The following AVEN variants were observed in gnomAD, a reference collection of about 807,000 sequenced individuals.
AVEN encodes the protein cell death regulator Aven.
A neutral mutation model predicts 38.1 loss-of-function variants in AVEN; 41 were observed. The ratio of observed to expected loss-of-function variants is 1.08; its 90% CI spans 0.84 to 1.40. AVEN has a LOEUF of 1.40. Ranked by LOEUF, AVEN falls within the 40% of genes most tolerant of loss-of-function variation. The pLI, the probability that AVEN is intolerant of heterozygous loss-of-function variation, is 0.00. For missense variants in AVEN, 605 were observed against 438.8 expected, an observed-to-expected ratio of 1.38 and a Z score of -3.38; for synonymous variants, 206 against 171.8, an observed-to-expected ratio of 1.20 and a Z score of -1.56.
chr15:33,871,134 G>C, intron 3 of AVEN, 104 bp from the exon 4 acceptor site: 3 of 694,332 alleles, frequency 4.3e-6, no homozygotes, highest in Non-Finnish European at 6.3e-6. Context: ...CATTTGGCTA[G>C]GAATAAGTCA....
chr15:33,880,991 C>T (rs1168117045), intron 2 of AVEN, among the ~76,000 whole-genome samples: 2 of 152,178 alleles, frequency 1.3e-5, no homozygotes, highest in Non-Finnish European at 2.9e-5. Context: ...AAAGTTACCA[C>T]ATTTTGTTTT....
At chr15:34,067,559 C>T (rs1900541890) in intron 2 of AVEN, 1 of 152,318 alleles carries the variant, frequency 6.6e-6, no homozygotes, top group South Asian at 2.1e-4. Context: ...ATGGCCTGGC[C>T]TTTCAAGAAA....
At position 34,014,828 on chromosome 15, in the gene AVEN, G is replaced by A. The variant is rs200357719; in HGVS notation, c.268-11619C>T. The stretch of plus-strand genomic sequence containing the variant: ...CCCCTTGACCTCTCAAAACTAACTG[G>A]CCAAAAGCTCTTTTGCCAGACAAAA... On this transcript the variant is annotated intron_variant, in intron 1 of 5. Coordinates refer to ENST00000306730, the MANE Select transcript of AVEN (RefSeq NM_020371.3). Among the ~76,000 whole-genome samples, 43 of 152,274 alleles carry A rather than the reference G, an allele frequency of 2.8e-4. 2 individuals are homozygous for A. In the East Asian group the frequency reaches 6.0e-3, roughly 21 times the overall value.
chr15:33,933,506 CACACACACACACACACACAGAGAGAGAGA>C (rs1893929846), intron 2 of AVEN, among the ~76,000 whole-genome samples: 1 of 118,392 alleles, frequency 8.4e-6, no homozygotes, highest in Non-Finnish European at 1.8e-5. Flanking sequence ...CACACACACA[CACACACACACACACACACAGAGAGAGAGA>C]GAGAGAGAGA....
rs562664135 is a variant in AVEN at position 34,070,453 on chromosome 15, T to C, written n.784+135A>G. ...AAATATCCATATAGTTTTATTTTAA[T>C]GTTTTTAGTTTAAGAAAATATCTAC... is the stretch of plus-strand genomic sequence containing the variant. On this transcript the variant is annotated intron_variant and non_coding_transcript_variant, in intron 2 of 11. Coordinates refer to the AVEN transcript ENST00000675287. 8.0e-4 allele frequency among the ~76,000 whole-genome samples: 122 copies of C among 152,254 alleles called. 2 individuals are homozygous for C. In the South Asian group the frequency reaches 0.015, roughly 19 times the overall value.
Position 34,038,760 on chromosome 15 carries a change from CA to C in AVEN, c.267+19del, listed in dbSNP as rs1899296121. The C allele has an allele frequency of 1.7e-6, 2 of 1,162,998 alleles. No homozygotes were observed. Among genetic ancestry groups the C allele is most frequent in the East Asian group, 7.9e-5 (2 of 25,314 alleles). 72.0% of individuals were successfully genotyped at this position (1,162,998 alleles called of 1,614,324 possible). A position where few individuals can be genotyped will look rare whatever the true frequency, so the allele number is the denominator to read the frequency against. The stretch of plus-strand genomic sequence containing the variant: ...CCCCAGTTACACGCGGTCCCAGCCC[CA>C]CCAGCCGTCGCCTCTTACCGGCGCG... On this transcript the variant is annotated intron_variant, in intron 1 of 5. Coordinates refer to ENST00000306730, the MANE Select transcript of AVEN (RefSeq NM_020371.3).
intron 2 of AVEN, among the ~76,000 whole-genome samples, chr15:33,966,759 T>G (rs1895402827): frequency 6.6e-6 from 1 of 152,152 alleles, no homozygotes; most frequent in South Asian, 2.1e-4. Context: ...TGCTATTGTA[T>G]TCTTGGAAAA....
At chr15:33,983,968 A>G (rs8035125) in intron 2 of AVEN, among the ~76,000 whole-genome samples, 44,233 of 151,496 alleles carry the variant, frequency 0.29, 8,161 homozygotes, top group African/African-American at 0.51. Flanking sequence ...ATTAAGGGAC[A>G]TTCTACAATA....
At position 34,031,004 on chromosome 15, in the gene AVEN, T is replaced by C. The variant is rs116058865; in HGVS notation, c.267+7776A>G. ...AGAAATCCAAAATAGATGACTATGT[T>C]CGTTTCACAGAATATACATCTATTA... On this transcript the variant is annotated intron_variant, in intron 1 of 5. Coordinates refer to ENST00000306730, the MANE Select transcript of AVEN (RefSeq NM_020371.3). 4.8e-3 allele frequency among the ~76,000 whole-genome samples: 734 copies of C among 152,268 alleles called. 10 individuals are homozygous for C. Among genetic ancestry groups the C allele is most frequent in the African/African-American group, 0.017 (702 of 41,546 alleles).
chr15:33,905,877 A>T (rs1161550857), intron 2 of AVEN, among the ~76,000 whole-genome samples: 1 of 151,840 alleles, frequency 6.6e-6, no homozygotes, highest in Non-Finnish European at 1.5e-5. Flanking sequence ...CACCCAATTC[A>T]ACCAAATGCA....
At chr15:34,072,603 A>G (rs1401220734) in intron 1 of AVEN, among the ~76,000 whole-genome samples, 2 of 37,184 alleles carry the variant, frequency 5.4e-5, no homozygotes, top group Admixed American at 6.2e-4. Context: ...GAGATTCTGT[A>G]TCAAAAAAAA....
intron 2 of AVEN, among the ~76,000 whole-genome samples, chr15:33,915,022 C>T (rs758162179): frequency 5.9e-5 from 9 of 151,938 alleles, no homozygotes; most frequent in Non-Finnish European, 1.2e-4. Flanking sequence ...AAAGAAAGTA[C>T]CCTCAAAAAA....
intron 1 of AVEN, chr15:34,007,044 T>C: frequency 2.0e-6 from 2 of 983,754 alleles, no homozygotes; most frequent in Non-Finnish European, 2.4e-6. Flanking sequence ...TAATAGTTCA[T>C]ACCTGGACAT....
rs142318041 is a variant in AVEN, at chr15:33,866,695, T to A, written c.1007A>T (p.Asn336Ile). The change falls in exon 6 of 6, where the codon AAC becomes ATC. Residue 336 changes from asparagine (N) to isoleucine (I), a missense_variant. Transcript: ENST00000306730. ...CAKPSVTEEK[N>I]MEPEQPSTSK... Reference sequence around the variant, plus strand: ...GGTACTTGGTTGCTCAGGTTCCATGTTTTTTTCTTCAGTCACAGATGGTTT... The same window carrying A: ...GGTACTTGGTTGCTCAGGTTCCATGATTTTTTCTTCAGTCACAGATGGTTT... The A allele has an allele frequency of 9.9e-5, 159 of 1,613,846 alleles. No homozygotes were observed. Among genetic ancestry groups the A allele is most frequent in the Non-Finnish European group, 1.2e-4 (145 of 1,179,878 alleles).
In AVEN at chr15:33,934,210, C is replaced by CAA. The variant is rs34165431; in HGVS notation, c.446-58217_446-58216dup. Reference sequence around the variant, plus strand: ...GCAACATAGCAAGACCCCATCTCTACAAAAAAAAAAAAAAATTAGCCATAT... The same window carrying CAA: ...GCAACATAGCAAGACCCCATCTCTACAAAAAAAAAAAAAAAAATTAGCCATAT... On this transcript the variant is annotated intron_variant, in intron 2 of 5. Coordinates refer to ENST00000306730, the MANE Select transcript of AVEN (RefSeq NM_020371.3). Among the ~76,000 whole-genome samples the CAA allele has an allele frequency of 3.7e-3, 523 of 141,602 alleles. 3 individuals are homozygous for CAA. Among genetic ancestry groups the CAA allele is most frequent in the African/African-American group, 0.014 (505 of 37,352 alleles). 92.9% of individuals were successfully genotyped at this position (141,602 alleles called of 152,430 possible). A position where few individuals can be genotyped will look rare whatever the true frequency, so the allele number is the denominator to read the frequency against.
intron 3 of AVEN, among the ~76,000 whole-genome samples, chr15:33,872,874 G>C (rs1891040992): frequency 1.3e-5 from 2 of 152,064 alleles, no homozygotes; most frequent in South Asian, 4.2e-4. Context: ...CGACACCCCT[G>C]TGGTCATGGA....
intron 5 of AVEN, among the ~76,000 whole-genome samples, chr15:34,046,343 GA>G (rs56286203): frequency 7.1e-6 from 1 of 141,440 alleles, no homozygotes. Flanking sequence ...AGTGAGGCAG[GA>G]AAAAAAAAAA....
chr15:33,876,096 C>G lies in AVEN; in HGVS notation c.446-101G>C, dbSNP rs181320673. On this transcript the variant is annotated intron_variant, in intron 2 of 5. Coordinates refer to ENST00000306730, the MANE Select transcript of AVEN (RefSeq NM_020371.3). ...GCAAAAGTGCCATTTCTGAAGTGCT[C>G]AAACTCAAAGGGAGAGGCAAGGATA... 3.1e-4 allele frequency: 330 copies of G among 1,077,850 alleles called. 2 individuals are homozygous for G. The African/African-American group carries it at 3.5e-3, about 12-fold the overall frequency. The allele number at this position is 1,077,850 out of a possible 1,614,324, so 66.8% of individuals were successfully genotyped here.
chr15:33,889,417 G>GT (rs1567397853), intron 2 of AVEN, among the ~76,000 whole-genome samples: 1 of 152,116 alleles, frequency 6.6e-6, no homozygotes, highest in Non-Finnish European at 1.5e-5. Flanking sequence ...TGTTCTGTTT[G>GT]TTTTTGTGCA....
Sources: allele counts gnomAD v4.1 joint callset (sites outside exome capture counted in the v4.1 genomes callset), GRCh38; gene constraint gnomAD v4.1.1; transcripts MANE v1.5; gene names NCBI Gene and HGNC (gene_info 2026-07-23, HGNC 2026-07-21).